Variants in TENM3 observed in about 807,000 individuals in gnomAD.
TENM3 encodes teneurin-3.
A neutral mutation model predicts 255.1 loss-of-function variants in TENM3; 63 were observed. The observed-to-expected ratio is 0.25, with a 90% CI of 0.20 to 0.30. The LOEUF (loss-of-function observed/expected upper bound fraction) is 0.30, where lower values mean the gene tolerates loss of function less well. Among genes scored for constraint, TENM3 ranks in the 10% least tolerant of loss-of-function variants. TENM3 has a pLI of 1.00. For synonymous variants in TENM3, 1,306 were observed against 1,322.3 expected (o/e 0.99, Z 0.27); for missense variants, 2,929 against 3,461.1 (o/e 0.85, Z 3.86).
At chr4:181,761,036 T>C in the TENM3 span, among the ~76,000 whole-genome samples, 2,015 of 150,496 alleles carry the variant, frequency 0.013, 49 homozygotes, top group African/African-American at 0.047. Flanking sequence ...TTTTGGTAAG[T>C]CTGTTCTATA....
At chr4:181,550,662 A>G in the TENM3 span, among the ~76,000 whole-genome samples, 1 of 152,188 alleles carries the variant, frequency 6.6e-6, no homozygotes, top group African/African-American at 2.4e-5. Flanking sequence ...GGAAGAAGAG[A>G]ATGGATATTG....
intron 3 of TENM3, among the ~76,000 whole-genome samples, chr4:182,411,647 A>T (rs1015732435): frequency 2.6e-5 from 4 of 152,184 alleles, no homozygotes; most frequent in African/African-American, 9.6e-5. Flanking sequence ...TGGTGTAACT[A>T]ACACAGGAGG....
At chr4:182,356,015 T>G (rs2150736996) in intron 3 of TENM3, among the ~76,000 whole-genome samples, 1 of 151,888 alleles carries the variant, frequency 6.6e-6, no homozygotes, top group East Asian at 1.9e-4. Context: ...AACCTCTTTC[T>G]GAAAGCAAAT....
chr4:182,578,217 C>T (rs1378379709), intron 3 of TENM3, among the ~76,000 whole-genome samples: 4 of 152,100 alleles, frequency 2.6e-5, no homozygotes, highest in East Asian at 1.9e-4. Context: ...CCTCGTGATC[C>T]GCGCACTTAG....
At chr4:182,739,681 G>A (rs1018354697) in intron 18 of TENM3, among the ~76,000 whole-genome samples, 1 of 152,048 alleles carries the variant, frequency 6.6e-6, no homozygotes, top group African/African-American at 2.4e-5. Flanking sequence ...TGTCAGAGAG[G>A]GTGCATTTTA....
the TENM3 span, among the ~76,000 whole-genome samples, chr4:181,630,549 C>T: frequency 7.9e-5 from 12 of 152,132 alleles, no homozygotes; most frequent in African/African-American, 2.2e-4. Context: ...TCTTTGTTCT[C>T]ATTGGTTTCA....
At chr4:181,833,179 G>T in the TENM3 span, among the ~76,000 whole-genome samples, 2 of 152,118 alleles carry the variant, frequency 1.3e-5, no homozygotes, top group African/African-American at 4.8e-5. Context: ...CAACAGAGGT[G>T]ATAATTCCAG....
rs768806758 is a variant in TENM3 at position 182,789,248 on chromosome 4, T to C, written c.5460T>C (p.Asn1820=). 2 of 1,613,792 alleles carry C rather than the reference T, an allele frequency of 1.2e-6. No homozygotes were observed. Among genetic ancestry groups the C allele is most frequent in the Middle Eastern group, 1.7e-4 (1 of 6,060 alleles). ...WLPSSKLMAV[N]VTYSSTGQIA... is the part of the protein sequence containing the mutation. ...CAAGCAGCAAGCTGATGGCCGTCAA[T>C]GTCACCTATTCATCCACAGGTCAAA... Residue 1820 remains asparagine (N), a synonymous_variant, in exon 25 of 28, where the codon AAT becomes AAC. Transcript: ENST00000511685. This position sits in a 1 kb window ranked among gnomAD's most constrained non-coding sequence, Gnocchi z 4.4.
chr4:181,924,246 C>G, the TENM3 span, among the ~76,000 whole-genome samples: 8 of 152,302 alleles, frequency 5.3e-5, no homozygotes, highest in African/African-American at 1.9e-4. Context: ...CTCCACATCA[C>G]TCCCATGAGA....
At chr4:181,705,558 A>G in the TENM3 span, among the ~76,000 whole-genome samples, 5 of 152,274 alleles carry the variant, frequency 3.3e-5, 1 homozygote, top group South Asian at 1.0e-3. Context: ...ATGACATTCA[A>G]TCTTAAGATC....
chr4:181,451,578 G>T, the TENM3 span, among the ~76,000 whole-genome samples: 20 of 152,156 alleles, frequency 1.3e-4, no homozygotes, highest in Non-Finnish European at 2.2e-4. Context: ...AAGAGTGAAG[G>T]TGTAGGGGTC....
At chr4:181,687,172 A>C in the TENM3 span, among the ~76,000 whole-genome samples, 1 of 152,340 alleles carries the variant, frequency 6.6e-6, no homozygotes, top group Admixed American at 6.5e-5. Context: ...ATATAATGGA[A>C]GAAGAATACC....
rs374057246 is a variant in TENM3, at chr4:182,714,232, A to C, written c.2367A>C (p.Gly789=). 1 of 1,567,684 alleles carries C rather than the reference A, an allele frequency of 6.4e-7. No homozygotes were observed. Among genetic ancestry groups the C allele is most frequent in the Non-Finnish European group, 8.7e-7 (1 of 1,150,892 alleles). ...GCACAGATAGCAAGGACAATGAAGG[A>C]GGTAAGAAATACTGAGCATGAACAC... is the stretch of plus-strand genomic sequence containing the variant. The part of the protein sequence containing the change: ...TLCTDSKDNE[G]DGLIDCMDPD... Residue 789 remains glycine, a splice_region_variant and synonymous_variant, in exon 13 of 28, where the codon GGA becomes GGC. Coordinates refer to ENST00000511685, the MANE Select transcript of TENM3 (RefSeq NM_001080477.4).
intron 1 of TENM3, among the ~76,000 whole-genome samples, chr4:182,244,724 T>C (rs1261104786): frequency 6.6e-6 from 1 of 152,180 alleles, no homozygotes; most frequent in Non-Finnish European, 1.5e-5. Flanking sequence ...GTGTAACATA[T>C]GGAAAGAAAA....
the TENM3 span, among the ~76,000 whole-genome samples, chr4:182,079,001 A>G: frequency 6.6e-6 from 1 of 152,196 alleles, no homozygotes; most frequent in Admixed American, 6.5e-5. Context: ...AGCTAACACC[A>G]CAATTTCCAT....
At chr4:181,861,076 G>A in the TENM3 span, among the ~76,000 whole-genome samples, 1 of 152,188 alleles carries the variant, frequency 6.6e-6, no homozygotes, top group Non-Finnish European at 1.5e-5. Flanking sequence ...TCTTTCTTAA[G>A]AAATCTTCAG....
chr4:182,488,587 G>C (rs1216790538), intron 3 of TENM3, among the ~76,000 whole-genome samples: 1 of 152,034 alleles, frequency 6.6e-6, no homozygotes, highest in African/African-American at 2.4e-5. Context: ...AAGGAGTCAA[G>C]CCAAGAAAAC....
rs75273303 is a variant in TENM3, at chr4:182,454,836, G to A, written c.511+107907G>A. Among the ~76,000 whole-genome samples the A allele has an allele frequency of 4.4e-3, 672 of 152,272 alleles. 15 individuals are homozygous for A. The East Asian group carries it at 0.058, about 13-fold the overall frequency. On this transcript the variant is annotated intron_variant, in intron 3 of 27. Coordinates refer to ENST00000511685, the MANE Select transcript of TENM3 (RefSeq NM_001080477.4). ...GAGTTTTATTAAACGCAGTACAAGA[G>A]CTAACGTTTTTGGAAACTCCAGTTA...
At chr4:181,483,351 A>G in the TENM3 span, among the ~76,000 whole-genome samples, 32 of 152,172 alleles carry the variant, frequency 2.1e-4, no homozygotes, top group African/African-American at 5.5e-4. Context: ...CGTTCACACT[A>G]TGATGCTAAT....
Sources: gnomAD v4.1 joint callset for allele counts (sites outside exome capture counted in the v4.1 genomes callset) on GRCh38, gnomAD v4.1.1 for gene constraint, Gnocchi (gnomAD v3.1) non-coding constraint, MANE v1.5 for transcripts, NCBI Gene and HGNC (gene_info 2026-07-23, HGNC 2026-07-21) for gene names.